DDC: variants seen among roughly 807,000 people sequenced by gnomAD.
DDC encodes dopa decarboxylase, also known as aromatic-L-amino-acid decarboxylase.
In DDC, 43 loss-of-function variants were observed where a neutral mutation model predicts 60.0. The ratio of observed to expected loss-of-function variants is 0.72; its 90% CI spans 0.56 to 0.92. The LOEUF (loss-of-function observed/expected upper bound fraction) is 0.92. DDC is among the 40% of genes least tolerant of loss of function. The pLI, the probability that DDC is intolerant of heterozygous loss-of-function variation, is 0.00. For missense variants in DDC, 573 were observed against 620.2 expected, an observed-to-expected ratio of 0.92 and a Z score of 0.81; for synonymous variants, 232 against 234.6, an observed-to-expected ratio of 0.99 and a Z score of 0.10.
chr7:50,538,011 G>A lies in DDC; in HGVS notation c.316-32C>T, dbSNP rs1451294077. 4 of 1,613,968 alleles carry A rather than the reference G, an allele frequency of 2.5e-6. No individual in the cohort carries two copies. In the African/African-American group the frequency reaches 5.3e-5, roughly 22 times the overall value. ...TGGGGGAAGGGAAGGGATTAACCGAGGGCCAGGCATTGCAGAATTTGGGGG... is the reference window on the plus strand; with the variant it reads ...TGGGGGAAGGGAAGGGATTAACCGAAGGCCAGGCATTGCAGAATTTGGGGG... On this transcript the variant is annotated intron_variant, in intron 3 of 14. Coordinates refer to ENST00000444124, the MANE Select transcript of DDC (RefSeq NM_001082971.2).
chr7:50,459,094 T>C (rs2042188633), intron 14 of DDC, among the ~76,000 whole-genome samples: 1 of 152,228 alleles, frequency 6.6e-6, no homozygotes, highest in Non-Finnish European at 1.5e-5. Flanking sequence ...GTGCCTGCGA[T>C]TGCAGGCGCG....
At chr7:50,515,385 CACT>C (rs1234120362) in intron 6 of DDC, among the ~76,000 whole-genome samples, 2 of 152,128 alleles carry the variant, frequency 1.3e-5, no homozygotes, top group Non-Finnish European at 2.9e-5. Context: ...ACCAAGCCAC[CACT>C]ACAAGAACTG....
intron 9 of DDC, chr7:50,492,767 A>C (rs2043028027): frequency 6.9e-7 from 1 of 1,444,490 alleles, no homozygotes; most frequent in Non-Finnish European, 9.1e-7. Context: ...CCACTTTGTC[A>C]AATTTCCCCT....
intron 4 of DDC, among the ~76,000 whole-genome samples, chr7:50,535,688 G>A (rs961235232): frequency 6.6e-6 from 1 of 152,178 alleles, no homozygotes; most frequent in African/African-American, 2.4e-5. Flanking sequence ...TTACAAGCAA[G>A]TTCCCTCCAT....
chr7:50,476,001 C>A (rs1365346854), intron 11 of DDC, among the ~76,000 whole-genome samples: 2 of 152,094 alleles, frequency 1.3e-5, no homozygotes, highest in Non-Finnish European at 2.9e-5. Flanking sequence ...CAGGTCATCT[C>A]TTGATGGCAG....
intron 6 of DDC, among the ~76,000 whole-genome samples, chr7:50,507,570 T>G (rs1268984623): frequency 1.3e-5 from 2 of 152,190 alleles, no homozygotes; most frequent in African/African-American, 4.8e-5. Context: ...AATGTGCCCT[T>G]ATTAAAATTA....
At chr7:50,506,174 C>G (rs2043389926) in intron 6 of DDC, among the ~76,000 whole-genome samples, 1 of 152,050 alleles carries the variant, frequency 6.6e-6, no homozygotes, top group African/African-American at 2.4e-5. Flanking sequence ...CAGTGGCTGT[C>G]CCTAGATGTC....
At chr7:50,509,762 TG>T (rs755010570) in intron 6 of DDC, among the ~76,000 whole-genome samples, 51 of 152,362 alleles carry the variant, frequency 3.3e-4, no homozygotes, top group East Asian at 5.8e-4. Context: ...TATTTTAACA[TG>T]ACTTTTATGT....
At position 50,526,994 on chromosome 7, in the gene DDC, T is replaced by C. The variant is rs142533641; in HGVS notation, c.714+1143A>G. On this transcript the variant is annotated intron_variant, in intron 6 of 14. Transcript: ENST00000444124. Reference sequence around the variant, plus strand: ...AATTTAACAGATATAAAAGTGGAAATAGACATATCTACACTCATAGTGTGA... The same window carrying C: ...AATTTAACAGATATAAAAGTGGAAACAGACATATCTACACTCATAGTGTGA... 4.1e-4 allele frequency among the ~76,000 whole-genome samples: 56 copies of C among 135,024 alleles called. No individual in the cohort carries two copies. The East Asian group carries it at 9.5e-3, about 23-fold the overall frequency. 88.6% of individuals were successfully genotyped at this position (135,024 alleles called of 152,430 possible). A position where few individuals can be genotyped will look rare whatever the true frequency, so the allele number is the denominator to read the frequency against.
chr7:50,488,825 T>G (rs988490481), intron 9 of DDC, among the ~76,000 whole-genome samples: 2 of 152,192 alleles, frequency 1.3e-5, no homozygotes, highest in Admixed American at 1.3e-4. Flanking sequence ...AATTTCAACT[T>G]TAATTTCATC....
Position 50,516,317 on chromosome 7 carries a change from C to G in DDC, c.714+11820G>C, listed in dbSNP as rs532887307. 4.6e-5 allele frequency among the ~76,000 whole-genome samples: 7 copies of G among 152,260 alleles called. No individual in the cohort carries two copies. The South Asian group carries it at 1.2e-3, about 27-fold the overall frequency. On this transcript the variant is annotated intron_variant, in intron 6 of 14. Coordinates refer to ENST00000444124, the MANE Select transcript of DDC (RefSeq NM_001082971.2). ...ATACATGGAAATTAAATAAACTGCA[C>G]CTGAATGAGCACTGGCTCAAAAACA...
chr7:50,528,899 A>T (rs572923383), intron 5 of DDC, among the ~76,000 whole-genome samples: 1 of 152,274 alleles, frequency 6.6e-6, no homozygotes, highest in African/African-American at 2.4e-5. Flanking sequence ...GAGGACTTTG[A>T]TCCCCATATC....
chr7:50,473,339 G>A (rs531596754), intron 11 of DDC, among the ~76,000 whole-genome samples: 6 of 152,326 alleles, frequency 3.9e-5, no homozygotes, highest in South Asian at 2.1e-4. Context: ...GTGCTTTCCC[G>A]GTGGCTGCCC....
rs1681778353 is a variant in DDC, at chr7:50,529,352, A to G, written c.436-10T>C. The G allele has an allele frequency of 6.2e-7, 1 of 1,614,212 alleles. No homozygotes were observed. The highest frequency in any genetic ancestry group is 8.5e-7 in the Non-Finnish European group (1 of 1,180,030). On this transcript the variant is annotated splice_polypyrimidine_tract_variant and intron_variant, in intron 4 of 14. Coordinates refer to ENST00000444124, the MANE Select transcript of DDC (RefSeq NM_001082971.2). ...CTTCACTGGCACTTCCCTAAATTCA[A>G]GAGAAGGTCCAAATGAAATCCCAAA...
intron 6 of DDC, among the ~76,000 whole-genome samples, chr7:50,506,942 T>C (rs940798504): frequency 1.3e-4 from 20 of 152,238 alleles, no homozygotes; most frequent in African/African-American, 4.8e-4. Context: ...TTAGTGGGAA[T>C]TGAAGTCAGT....
chr7:50,459,647 C>T (rs1221282494), intron 14 of DDC: 25 of 167,342 alleles, frequency 1.5e-4, no homozygotes, highest in South Asian at 1.5e-4. Context: ...TACCCGGCCG[C>T]GACCCCGTCT....
At chr7:50,475,585 G>A (rs1042795787) in intron 11 of DDC, among the ~76,000 whole-genome samples, 8 of 152,140 alleles carry the variant, frequency 5.3e-5, no homozygotes, top group East Asian at 3.9e-4. Context: ...TTATCACACC[G>A]GCTGCTGACA....
chr7:50,511,758 T>G (rs942719093), intron 6 of DDC, among the ~76,000 whole-genome samples: 1 of 151,790 alleles, frequency 6.6e-6, no homozygotes, highest in Non-Finnish European at 1.5e-5. Flanking sequence ...GAAAAAAAAT[T>G]GATTCACATA....
At chr7:50,521,045 GATAA>G (rs150218395) in intron 6 of DDC, among the ~76,000 whole-genome samples, 1 of 152,028 alleles carries the variant, frequency 6.6e-6, no homozygotes, top group Non-Finnish European at 1.5e-5. Context: ...TCTTTGAAAT[GATAA>G]ATAAATTTTC....
Sources: allele counts gnomAD v4.1 joint callset (sites outside exome capture counted in the v4.1 genomes callset), GRCh38; gene constraint gnomAD v4.1.1; transcripts MANE v1.5; gene names NCBI Gene and HGNC (gene_info 2026-07-23, HGNC 2026-07-21).